The following CBLN2 variants were observed in gnomAD, a reference collection of about 807,000 sequenced individuals.
The protein encoded by CBLN2 is cerebellin 2 precursor, also known as cerebellin-2.
Under a neutral mutation model 15.0 loss-of-function variants are expected in CBLN2, and 7 were observed. The ratio of observed to expected loss-of-function variants is 0.47; its 90% CI spans 0.27 to 0.88. The LOEUF (loss-of-function observed/expected upper bound fraction) is 0.88, where lower values mean the gene tolerates loss of function less well. Ranked by LOEUF, CBLN2 falls within the 40% of genes least tolerant of loss-of-function variation. CBLN2 has a pLI of 0.14. For synonymous variants in CBLN2, 149 were observed against 135.2 expected (o/e 1.10, Z -0.71); for missense variants, 242 against 304.5 (o/e 0.79, Z 1.53).
At chr18:72,557,677 T>G (rs1039315862) in intron 1 of CBLN2, among the ~76,000 whole-genome samples, 38 of 152,152 alleles carry the variant, frequency 2.5e-4, no homozygotes, top group African/African-American at 9.2e-4. Context: ...CACCACATGT[T>G]CTCACTAGTA....
upstream of CBLN2, among the ~76,000 whole-genome samples, chr18:72,545,767 A>G (rs2069153489): frequency 6.6e-6 from 1 of 152,238 alleles, no homozygotes; most frequent in Admixed American, 6.5e-5. Flanking sequence ...ATGCTAATTT[A>G]TAGCAATACC....
intron 1 of CBLN2, among the ~76,000 whole-genome samples, chr18:72,556,027 G>C (rs1568254221): frequency 6.6e-6 from 1 of 152,130 alleles, no homozygotes; most frequent in Non-Finnish European, 1.5e-5. Context: ...TGTTTGGGAT[G>C]GCAGGTGCTC....
intron 1 of CBLN2, among the ~76,000 whole-genome samples, chr18:72,592,134 AT>A (rs1423072460): frequency 1.3e-5 from 2 of 151,900 alleles, no homozygotes; most frequent in Non-Finnish European, 2.9e-5. Flanking sequence ...ACAAAGATTG[AT>A]TTTTCTTTAC....
At chr18:72,569,712 C>T (rs1259158301) in intron 1 of CBLN2, among the ~76,000 whole-genome samples, 1 of 151,970 alleles carries the variant, frequency 6.6e-6, no homozygotes, top group Non-Finnish European at 1.5e-5. Flanking sequence ...TTTAAATGGC[C>T]AGATCTCGTG....
upstream of CBLN2, among the ~76,000 whole-genome samples, chr18:72,547,763 C>T (rs1309362139): frequency 6.6e-6 from 1 of 151,950 alleles, no homozygotes; most frequent in Non-Finnish European, 1.5e-5. Context: ...GGTGATATAT[C>T]AATGTGTATT....
chr18:72,621,614 C>G (rs978674034), intron 1 of CBLN2, among the ~76,000 whole-genome samples: 1 of 152,128 alleles, frequency 6.6e-6, no homozygotes. Context: ...ACTTTTTAGC[C>G]TTCTAAGTAA....
chr18:72,612,346 G>A (rs1041824680), intron 1 of CBLN2, among the ~76,000 whole-genome samples: 3 of 152,144 alleles, frequency 2.0e-5, no homozygotes, highest in African/African-American at 7.2e-5. Context: ...ATGTGTGTAT[G>A]TGCCTGTGTG....
chr18:72,600,046 C>A (rs1383993180), intron 1 of CBLN2, among the ~76,000 whole-genome samples: 1 of 152,208 alleles, frequency 6.6e-6, no homozygotes, highest in East Asian at 1.9e-4. Context: ...ACAGCCTGCT[C>A]ATTTGTCACT....
chr18:72,548,073 A>C (rs921508062), upstream of CBLN2, among the ~76,000 whole-genome samples: 1 of 152,182 alleles, frequency 6.6e-6, no homozygotes, highest in Non-Finnish European at 1.5e-5. Flanking sequence ...TCTGTTTTTG[A>C]AGAAGCTTAG....
At chr18:72,618,617 A>G in intron 1 of CBLN2, 1 of 963,882 alleles carries the variant, frequency 1.0e-6, no homozygotes, top group Non-Finnish European at 1.6e-6. Context: ...GACACTGAAG[A>G]ACATCACCTA....
At chr18:72,590,069 CACCCTGGCTAACACAGTGAA>C (rs1431938011) in intron 1 of CBLN2, among the ~76,000 whole-genome samples, 4 of 152,202 alleles carry the variant, frequency 2.6e-5, no homozygotes, top group African/African-American at 9.6e-5. Context: ...AGATCAAGAC[CACCCTGGCTAACACAGTGAA>C]ACCCTGTCTC....
At chr18:72,601,987 C>T (rs1033554510) in intron 1 of CBLN2, among the ~76,000 whole-genome samples, 1 of 152,154 alleles carries the variant, frequency 6.6e-6, no homozygotes, top group Admixed American at 6.5e-5. Flanking sequence ...TGTGAAGATG[C>T]CTTCCCTGGA....
chr18:72,621,367 T>A (rs1261100492), intron 1 of CBLN2, among the ~76,000 whole-genome samples: 5 of 152,208 alleles, frequency 3.3e-5, no homozygotes, highest in Non-Finnish European at 5.9e-5. Flanking sequence ...ACTATAAGCT[T>A]GATATATTTG....
chr18:72,560,644 G>GA (rs2069254120), intron 1 of CBLN2, among the ~76,000 whole-genome samples: 1 of 152,140 alleles, frequency 6.6e-6, no homozygotes, highest in African/African-American at 2.4e-5. Flanking sequence ...GTCTTTTATA[G>GA]AAAAAGTTCG....
chr18:72,586,405 C>G (rs1432179758), intron 1 of CBLN2, among the ~76,000 whole-genome samples: 1 of 152,120 alleles, frequency 6.6e-6, no homozygotes, highest in Non-Finnish European at 1.5e-5. Flanking sequence ...AATTTCTTTA[C>G]CAACACTGTT....
At chr18:72,546,320 C>A (rs1489024671), upstream of CBLN2, among the ~76,000 whole-genome samples, 1 of 151,914 alleles carries the variant, frequency 6.6e-6, no homozygotes, top group African/African-American at 2.4e-5. Context: ...GCCTGTAGTC[C>A]CAGCTACTCG....
intron 1 of CBLN2, among the ~76,000 whole-genome samples, chr18:72,609,648 T>C (rs1018622430): frequency 9.2e-5 from 14 of 152,198 alleles, no homozygotes; most frequent in African/African-American, 3.1e-4. Context: ...TTCTTCAACA[T>C]GTCACACATC....
At chr18:72,540,869 G>A (rs1201607827) in intron 3 of CBLN2, among the ~76,000 whole-genome samples, 3 of 152,162 alleles carry the variant, frequency 2.0e-5, no homozygotes, top group South Asian at 2.1e-4. Flanking sequence ...ACTGCCAGGC[G>A]CCCCATTCCG....
intron 1 of CBLN2, among the ~76,000 whole-genome samples, chr18:72,569,688 A>C (rs2069318370): frequency 6.6e-6 from 1 of 152,120 alleles, no homozygotes. Context: ...GAGAGGGAGC[A>C]GGTGCTACAC....
Sources: allele counts gnomAD v4.1 joint callset (sites outside exome capture counted in the v4.1 genomes callset), GRCh38; gene constraint gnomAD v4.1.1; transcripts MANE v1.5; gene names NCBI Gene and HGNC (gene_info 2026-07-23, HGNC 2026-07-21).